The following PRDM16 variants were observed in gnomAD, a reference collection of about 807,000 sequenced individuals.
PRDM16 encodes the protein histone-lysine N-methyltransferase PRDM16.
In PRDM16, 23 loss-of-function variants were observed where a neutral mutation model predicts 110.6. The ratio of observed to expected loss-of-function variants is 0.21; its 90% confidence interval spans 0.15 to 0.29. The LOEUF (loss-of-function observed/expected upper bound fraction) is 0.29. Among genes scored for constraint, PRDM16 ranks in the 10% least tolerant of loss-of-function variants. The pLI is 1.00. For synonymous variants in PRDM16, 799 were observed against 781.8 expected (o/e 1.02, Z -0.37); for missense variants, 1,615 against 1,794.3 (o/e 0.90, Z 1.81).
At chr1:3,363,915 A>G (rs1282171979) in intron 3 of PRDM16, among the ~76,000 whole-genome samples, 2 of 152,072 alleles carry the variant, frequency 1.3e-5, no homozygotes, top group Non-Finnish European at 2.9e-5. Flanking sequence ...GCACCTCCTG[A>G]GCCAGCCCGC....
rs531270431 is a variant in PRDM16 at position 3,069,816 on chromosome 1, A to G, written c.37+520A>G. ...CCTTTGGCGTCCGCCAGCCGGGCGC[A>G]GAGGAGGGAGACCCCGAGCCGGGGA... On this transcript the variant is annotated intron_variant, in intron 1 of 16. Transcript: ENST00000270722. This position sits in a 1 kb window ranked among gnomAD's most constrained non-coding sequence, Gnocchi z 6.1. Among the ~76,000 whole-genome samples the G allele has an allele frequency of 7.6e-4, 115 of 151,586 alleles. No homozygotes were observed. Among genetic ancestry groups the G allele is most frequent in the African/African-American group, 2.6e-3 (106 of 41,370 alleles).
At chr1:3,321,647 G>A (rs1641751994) in intron 3 of PRDM16, among the ~76,000 whole-genome samples, 1 of 152,122 alleles carries the variant, frequency 6.6e-6, no homozygotes, top group African/African-American at 2.4e-5. Context: ...ATGTGTGATT[G>A]TGATGTGCCC....
chr1:3,210,137 CT>C (rs1415600710), intron 2 of PRDM16, among the ~76,000 whole-genome samples: 1 of 152,242 alleles, frequency 6.6e-6, no homozygotes, highest in African/African-American at 2.4e-5. Flanking sequence ...CGGAAACCAG[CT>C]CGCTATGTGC....
intron 2 of PRDM16, among the ~76,000 whole-genome samples, chr1:3,215,498 GAA>G (rs1186587765): frequency 6.6e-6 from 1 of 152,266 alleles, no homozygotes; most frequent in African/African-American, 2.4e-5. Context: ...GTGTGGGGTG[GAA>G]AAGAGTGGTG....
chr1:3,233,535 A>G (rs908521259), intron 2 of PRDM16, among the ~76,000 whole-genome samples: 3 of 152,184 alleles, frequency 2.0e-5, no homozygotes, highest in African/African-American at 7.2e-5. Context: ...GGCCTTTGGA[A>G]GATGGAAAAC....
In PRDM16 at chr1:3,350,325, C is replaced by CA. The variant is rs755500729; in HGVS notation, c.439-34820dup. Among the ~76,000 whole-genome samples, 51 of 152,032 alleles carry CA rather than the reference C, an allele frequency of 3.4e-4. No homozygotes were observed. The highest frequency in any genetic ancestry group is 4.2e-4 in the South Asian group (2 of 4,806). On this transcript the variant is annotated intron_variant, in intron 3 of 16. Coordinates refer to ENST00000270722, the MANE Select transcript of PRDM16 (RefSeq NM_022114.4). The surrounding 1 kb of genome is among the most constrained non-coding windows in gnomAD (Gnocchi z 7.1). ...TGGGCGAGAGAGTGAGACCCTGTCTCAAAAAAATGAAAAGAAAAGATCTGG... is the reference window on the plus strand; with the variant it reads ...TGGGCGAGAGAGTGAGACCCTGTCTCAAAAAAAATGAAAAGAAAAGATCTGG...
At chr1:3,196,048 G>T (rs972226444) in intron 2 of PRDM16, among the ~76,000 whole-genome samples, 1 of 152,242 alleles carries the variant, frequency 6.6e-6, no homozygotes, top group Admixed American at 6.5e-5. Flanking sequence ...CAGCCCCCAG[G>T]TTTGTCCATG....
chr1:3,167,072 G>A (rs1045607566), intron 1 of PRDM16, among the ~76,000 whole-genome samples: 1 of 152,312 alleles, frequency 6.6e-6, no homozygotes, highest in South Asian at 2.1e-4. Flanking sequence ...ACACAGGGAC[G>A]ATCTGGATTG....
chr1:3,112,487 C>T (rs570211422), intron 1 of PRDM16, among the ~76,000 whole-genome samples: 230 of 152,364 alleles, frequency 1.5e-3, no homozygotes, highest in African/African-American at 5.2e-3. Context: ...GCAGTTTGCA[C>T]GGGAAGGCTC....
intron 7 of PRDM16, among the ~76,000 whole-genome samples, chr1:3,405,131 G>A (rs766573512): frequency 1.3e-5 from 2 of 152,160 alleles, no homozygotes; most frequent in Non-Finnish European, 2.9e-5. Flanking sequence ...CCTCCAGAGC[G>A]CGGCTCCTGT....
In PRDM16 at chr1:3,231,405, C is replaced by G. The variant is rs191955002; in HGVS notation, c.388-12682C>G. Reference sequence around the variant, plus strand: ...CGTCATGGACAGCGGTCAAGGCCGTCTCCCCTTCTCCGTCGTCAGGGACAG... The same window carrying G: ...CGTCATGGACAGCGGTCAAGGCCGTGTCCCCTTCTCCGTCGTCAGGGACAG... On this transcript the variant is annotated intron_variant, in intron 2 of 16. Coordinates refer to ENST00000270722, the MANE Select transcript of PRDM16 (RefSeq NM_022114.4). Among the ~76,000 whole-genome samples the G allele has an allele frequency of 4.5e-3, 683 of 150,646 alleles. 25 individuals carry two copies. Among genetic ancestry groups the G allele is most frequent in the African/African-American group, 0.016 (651 of 40,018 alleles).
intron 1 of PRDM16, among the ~76,000 whole-genome samples, chr1:3,111,494 G>C (rs1452158719): frequency 1.9e-3 from 6 of 3,194 alleles, no homozygotes; most frequent in African/African-American, 5.8e-3. Flanking sequence ...AGGAGGCCTC[G>C]AAGAGGGAAG....
rs555035754 is a variant in PRDM16, at chr1:3,139,585, TC to T, written c.38-46539del. ...CTGCTCTCTGTCACCATGAATGCCATCGCGAATAATGCCAAGCATTGTTACA... is the reference window on the plus strand; with the variant it reads ...CTGCTCTCTGTCACCATGAATGCCATGCGAATAATGCCAAGCATTGTTACA... On this transcript the variant is annotated intron_variant, in intron 1 of 16. Coordinates refer to ENST00000270722, the MANE Select transcript of PRDM16 (RefSeq NM_022114.4). 1.7e-3 allele frequency among the ~76,000 whole-genome samples: 262 copies of T among 152,372 alleles called. 1 individual carries two copies. Among genetic ancestry groups the T allele is most frequent in the African/African-American group, 6.1e-3 (255 of 41,590 alleles).
In PRDM16 at chr1:3,350,262, G is replaced by C. The variant is rs542552386; in HGVS notation, c.439-34890G>C. On this transcript the variant is annotated intron_variant, in intron 3 of 16. Coordinates refer to ENST00000270722, the MANE Select transcript of PRDM16 (RefSeq NM_022114.4). The surrounding 1 kb of genome is among the most constrained non-coding windows in gnomAD (Gnocchi z 7.1). Reference sequence around the variant, plus strand: ...GATCGCTTGAGCTCAGGAGGTCCGGGCTACAGAGAGCTGTGATCACACCAC... The same window carrying C: ...GATCGCTTGAGCTCAGGAGGTCCGGCCTACAGAGAGCTGTGATCACACCAC... Among the ~76,000 whole-genome samples, 1 of 152,314 alleles carries C rather than the reference G, an allele frequency of 6.6e-6. No homozygotes were observed. The highest frequency in any genetic ancestry group is 2.1e-4 in the South Asian group (1 of 4,830).
intron 1 of PRDM16, among the ~76,000 whole-genome samples, chr1:3,181,212 ACACACGCAGTCTTACACACG>A (rs1457613077): frequency 1.5e-5 from 2 of 133,692 alleles, no homozygotes; most frequent in African/African-American, 5.9e-5. Context: ...ACACGGTCTT[ACACACGCAGTCTTACACACG>A]GTCTTACACA....
rs540685003 is a variant in PRDM16, at chr1:3,408,846, G to T, written c.1187-2538G>T. 3.5e-3 allele frequency among the ~76,000 whole-genome samples: 421 copies of T among 119,296 alleles called. 3 individuals are homozygous for T. Among genetic ancestry groups the T allele is most frequent in the African/African-American group, 0.016 (395 of 24,988 alleles). 78.3% of individuals were successfully genotyped at this position (119,296 alleles called of 152,430 possible). On this transcript the variant is annotated intron_variant, in intron 8 of 16. Coordinates refer to ENST00000270722, the MANE Select transcript of PRDM16 (RefSeq NM_022114.4). ...TGAGCTGGTGCGTGTGTTGGAGGAT[G>T]TGAGAGCACGAGGGTGGGCACGTGA...
At chr1:3,346,889 C>T (rs375166985) in intron 3 of PRDM16, among the ~76,000 whole-genome samples, 10 of 152,212 alleles carry the variant, frequency 6.6e-5, no homozygotes, top group Non-Finnish European at 1.5e-4. Context: ...CACTGTTCAC[C>T]GGTGCTCTGC....
At chr1:3,422,632 A>T (rs1248052569) in intron 12 of PRDM16, among the ~76,000 whole-genome samples, 1 of 152,192 alleles carries the variant, frequency 6.6e-6, no homozygotes, top group African/African-American at 2.4e-5. Context: ...GATGTGAGAA[A>T]ATGCATTGGA....
At position 3,327,314 on chromosome 1, in the gene PRDM16, A is replaced by G. The variant is rs868696591; in HGVS notation, c.439-57838A>G. ...GGAGGCGGCACCACAGGCCGGCTGG[A>G]GAGGCTGTTTCCAAGGAGAAGCCTG... On this transcript the variant is annotated intron_variant, in intron 3 of 16. Coordinates refer to ENST00000270722, the MANE Select transcript of PRDM16 (RefSeq NM_022114.4). Among the ~76,000 whole-genome samples the G allele has an allele frequency of 5.9e-5, 9 of 152,094 alleles. 1 individual carries two copies. In the Middle Eastern group the frequency reaches 9.5e-3, roughly 160 times the overall value.
Sources: gnomAD v4.1 joint callset for allele counts (sites outside exome capture counted in the v4.1 genomes callset) on GRCh38, gnomAD v4.1.1 for gene constraint, Gnocchi (gnomAD v3.1) non-coding constraint, MANE v1.5 for transcripts, NCBI Gene and HGNC (gene_info 2026-07-23, HGNC 2026-07-21) for gene names.